ZSCAN10: variants seen among roughly 807,000 people sequenced by gnomAD.
The protein encoded by ZSCAN10 is zinc finger and SCAN domain-containing protein 10.
In ZSCAN10, 52 loss-of-function variants were observed where a neutral mutation model predicts 63.7. The observed-to-expected ratio is 0.82, with a 90% CI of 0.65 to 1.03. The LOEUF is 1.03. Among genes scored for constraint, ZSCAN10 ranks in the 50% least tolerant of loss-of-function variants. ZSCAN10 has a pLI of 0.00. For missense variants in ZSCAN10, 1,223 were observed against 1,103.8 expected, an observed-to-expected ratio of 1.11 and a Z score of -1.53; for synonymous variants, 544 against 479.6, an observed-to-expected ratio of 1.13 and a Z score of -1.76.
rs1284534513 is a variant in ZSCAN10, at chr16:3,089,726, G to A, written c.1708C>T (p.Arg570Trp). ...TQSSQLVSHQRVHTGEKPYAC... is the reference protein window; with the variant it reads ...TQSSQLVSHQWVHTGEKPYAC... ...TAGGGCTTCTCGCCCGTGTGCACCCGTTGGTGGCTGACCAGCTGCGAGCTC... is the reference window on the plus strand; with the variant it reads ...TAGGGCTTCTCGCCCGTGTGCACCCATTGGTGGCTGACCAGCTGCGAGCTC... Residue 570 changes from arginine (R) to tryptophan (W), a missense_variant, in exon 6 of 6, where the codon CGG becomes TGG. By Grantham distance (101) the Arg-to-Trp change is moderately radical. Transcript: ENST00000576985. 5.0e-6 allele frequency: 8 copies of A among 1,603,090 alleles called. No individual in the cohort carries two copies. In the African/African-American group the frequency reaches 8.0e-5, roughly 16 times the overall value.
chr16:3,092,485 G>A (rs375912218), intron 2 of ZSCAN10, 57 bp downstream of exon 2: 41 of 1,451,106 alleles, frequency 2.8e-5, no homozygotes, highest in Non-Finnish European at 3.5e-5. Context: ...TTCCTCACTG[G>A]GGGGATCAAG....
chr16:3,090,178 A>T lies in ZSCAN10; in HGVS notation c.1256T>A (p.Leu419Gln), dbSNP rs1381999250. Reference protein sequence around the residue: ...CGHRFRQSSHLSKHLLTHSSE... With the variant: ...CGHRFRQSSHQSKHLLTHSSE... The stretch of plus-strand genomic sequence containing the variant: ...GGAGTGGGTCAGCAGGTGCTTGCTC[A>T]GGTGCGAGCTCTGGCGGAAGCGGTG... The change falls in exon 6 of 6, where the codon CTG becomes CAG. Residue 419 changes from leucine to glutamine, a missense_variant. Coordinates refer to ENST00000576985, the MANE Select transcript of ZSCAN10 (RefSeq NM_032805.3). The T allele has an allele frequency of 8.7e-6, 14 of 1,604,670 alleles. No homozygotes were observed. The highest frequency in any genetic ancestry group is 1.1e-5 in the Non-Finnish European group (13 of 1,178,858).
In ZSCAN10 at chr16:3,092,709, G is replaced by A. The variant is rs1365815339; in HGVS notation, c.229C>T (p.Leu77=). 1 of 1,613,248 alleles carries A rather than the reference G, an allele frequency of 6.2e-7. No homozygotes were observed. The highest frequency in any genetic ancestry group is 8.5e-7 in the Non-Finnish European group (1 of 1,179,878). The change falls in exon 2 of 6, where the codon CTG becomes TTG. Residue 77 remains leucine (L), a synonymous_variant. Coordinates refer to ENST00000576985, the MANE Select transcript of ZSCAN10 (RefSeq NM_032805.3). ...TCCAGGATCTGTTTCTTGGTGTGCA[G>A]AGCCGGCCGCAGCCAGTGGCCGCAG... ...ELCGHWLRPA[L]HTKKQILELL... is the part of the protein sequence containing the mutation.
At chr16:3,090,746 C>T in intron 5 of ZSCAN10, 100 bp from the exon 6 acceptor site, 2 of 1,373,838 alleles carry the variant, frequency 1.5e-6, no homozygotes, top group Non-Finnish European at 1.9e-6. Flanking sequence ...AACCCAGGAT[C>T]CTGCAAAGCT....
In ZSCAN10 at chr16:3,088,941, A is replaced by G; in HGVS notation, c.*150T>C. 1 of 1,347,058 alleles carries G rather than the reference A, an allele frequency of 7.4e-7. No homozygotes were observed. 83.4% of individuals were successfully genotyped at this position (1,347,058 alleles called of 1,614,324 possible). A position where few individuals can be genotyped will look rare whatever the true frequency, so the allele number is the denominator to read the frequency against. Reference sequence around the variant, plus strand: ...GCGTTTTAATTACATAGCTGAGGCCAGAAAGCAATGCCTCGGCCAGGGAAG... The same window carrying G: ...GCGTTTTAATTACATAGCTGAGGCCGGAAAGCAATGCCTCGGCCAGGGAAG... On this transcript the variant is annotated 3_prime_UTR_variant, in exon 6 of 6. Coordinates refer to ENST00000576985, the MANE Select transcript of ZSCAN10 (RefSeq NM_032805.3).
Position 3,091,763 on chromosome 16 carries a change from C to T in ZSCAN10, c.729+1G>A. The stretch of plus-strand genomic sequence containing the variant: ...ACACCCTGGGGTGCGGCCCAGCTCA[C>T]CAGCACAGCCGCCAGCTCCTGATCT... On this transcript the variant is annotated splice_donor_variant, in intron 4 of 5. Transcript: ENST00000576985. LOFTEE classifies it high-confidence loss of function. 1.3e-6 allele frequency: 2 copies of T among 1,572,594 alleles called. No homozygotes were observed. Among genetic ancestry groups the T allele is most frequent in the African/African-American group, 1.4e-5 (1 of 73,782 alleles).
intron 1 of ZSCAN10, among the ~76,000 whole-genome samples, chr16:3,098,029 G>C (rs1957175183): frequency 2.0e-5 from 2 of 100,132 alleles, no homozygotes; most frequent in Admixed American, 2.8e-4. Context: ...GATAAAAGGC[G>C]AAGACCCTGT....
chr16:3,092,707 C>T lies in ZSCAN10; in HGVS notation c.231G>A (p.Leu77=), dbSNP rs764065350. Residue 77 remains leucine, a synonymous_variant, in exon 2 of 6, where the codon CTG becomes CTA. Coordinates refer to ENST00000576985, the MANE Select transcript of ZSCAN10 (RefSeq NM_032805.3). ...ELCGHWLRPA[L]HTKKQILELL... ...GCTCCAGGATCTGTTTCTTGGTGTG[C>T]AGAGCCGGCCGCAGCCAGTGGCCGC... The T allele has an allele frequency of 1.4e-5, 23 of 1,613,180 alleles. No homozygotes were observed. In the East Asian group the frequency reaches 5.1e-4, roughly 36 times the overall value.
intron 4 of ZSCAN10, 34 bp downstream of exon 4, chr16:3,091,730 G>A (rs559930609): frequency 6.3e-7 from 1 of 1,583,918 alleles, no homozygotes; most frequent in Non-Finnish European, 8.6e-7. Context: ...AGTTCCTGGG[G>A]CTTGAGGACA....
chr16:3,089,762 T>C lies in ZSCAN10; in HGVS notation c.1672A>G (p.Ser558Gly). 1 of 1,598,212 alleles carries C rather than the reference T, an allele frequency of 6.3e-7. No individual in the cohort carries two copies. Among genetic ancestry groups the C allele is most frequent in the Non-Finnish European group, 8.5e-7 (1 of 1,178,456 alleles). The stretch of plus-strand genomic sequence containing the variant: ...ACCAGCTGCGAGCTCTGCGTGAAGC[T>C]GCGGCCGCAAGCCTGGCAGGAGAAG... ...RPFSCQACGR[S>G]FTQSSQLVSH... The change falls in exon 6 of 6, where the codon AGC (serine) becomes GGC (glycine). Residue 558 changes from serine to glycine, a missense_variant. Transcript: ENST00000576985.
intron 2 of ZSCAN10, 91 bp downstream of exon 2, chr16:3,092,451 G>T: frequency 2.0e-6 from 3 of 1,468,850 alleles, no homozygotes; most frequent in East Asian, 2.3e-5. Context: ...ATGGTCAGGT[G>T]GGGGAAAGTG....
intron 1 of ZSCAN10, chr16:3,096,420 G>A (rs746780629): frequency 6.6e-6 from 1 of 152,446 alleles, no homozygotes; most frequent in Non-Finnish European, 1.5e-5. Flanking sequence ...GGGATGTGAA[G>A]AAAGCCTGAA....
At chr16:3,097,328 C>G (rs531959295) in intron 1 of ZSCAN10, among the ~76,000 whole-genome samples, 2 of 152,174 alleles carry the variant, frequency 1.3e-5, no homozygotes, top group East Asian at 3.9e-4. Flanking sequence ...CCCTGCAACA[C>G]ACAGTATCTT....
chr16:3,095,059 T>C (rs1261770609), intron 1 of ZSCAN10, among the ~76,000 whole-genome samples: 1 of 152,084 alleles, frequency 6.6e-6, no homozygotes, highest in Non-Finnish European at 1.5e-5. Context: ...CACTGCTCTT[T>C]CAAGTTCTCT....
rs756738709 is a variant in ZSCAN10, at chr16:3,089,383, TG to T, written c.2050del (p.His684ThrfsTer153). ...SSNLARHRRS[H>X]TGERPYSCQT... Reference sequence around the variant, plus strand: ...ACAGCTGTAGGGCCGCTCGCCCGTGTGGCTGCGGCGATGGCGGGCCAGGTTG... The same window carrying T: ...ACAGCTGTAGGGCCGCTCGCCCGTGTGCTGCGGCGATGGCGGGCCAGGTTG... On this transcript the variant is annotated frameshift_variant, in exon 6 of 6. Coordinates refer to ENST00000576985, the MANE Select transcript of ZSCAN10 (RefSeq NM_032805.3). LOFTEE classifies it high-confidence loss of function. 3.7e-6 allele frequency: 6 copies of T among 1,603,308 alleles called. No homozygotes were observed. The South Asian group carries it at 6.6e-5, about 18-fold the overall frequency.
rs746130174 is a variant in ZSCAN10, at chr16:3,092,638, G to C, written c.300C>G (p.Leu100=). 1 of 1,611,264 alleles carries C rather than the reference G, an allele frequency of 6.2e-7. No homozygotes were observed. Among genetic ancestry groups the C allele is most frequent in the Non-Finnish European group, 8.5e-7 (1 of 1,179,198 alleles). The change falls in exon 2 of 6, where the codon CTC becomes CTG. Residue 100 remains leucine (L), a synonymous_variant. Transcript: ENST00000576985. ...GCGGCTGCCCCTGCAGGCGGCCCAG[G>C]AGGTGCGGAGGCAGCACACTCAGGA... ...EQFLSVLPPH[L]LGRLQGQPLR... is the part of the protein sequence containing the mutation.
In ZSCAN10 at chr16:3,090,852, A is replaced by G. The variant is rs113056162; in HGVS notation, c.788-206T>C. Among the ~76,000 whole-genome samples the G allele has an allele frequency of 5.5e-3, 826 of 151,282 alleles. 12 individuals are homozygous for G. Among genetic ancestry groups the G allele is most frequent in the South Asian group, 0.03 (141 of 4,742 alleles). On this transcript the variant is annotated intron_variant, in intron 5 of 5. Coordinates refer to ENST00000576985, the MANE Select transcript of ZSCAN10 (RefSeq NM_032805.3). ...ATCACTTGAAGTCAGGAGTGAGTTC[A>G]AGACCACCCTGGCCAACATGGTGAA...
Position 3,089,968 on chromosome 16 carries a change from G to C in ZSCAN10, c.1466C>G (p.Ser489Cys). ...SHCGQSFQRR[S>C]SLKRHLRIHA... ...GATCCGCAGGTGGCGCTTGAGGCTG[G>C]AGCGGCGCTGGAAGCTCTGGCCGCA... The change falls in exon 6 of 6, where the codon TCC becomes TGC. Residue 489 changes from serine to cysteine, a missense_variant. Physicochemically the swap from Ser to Cys is moderately radical, Grantham distance 112. Coordinates refer to ENST00000576985, the MANE Select transcript of ZSCAN10 (RefSeq NM_032805.3). The C allele has an allele frequency of 6.5e-7, 1 of 1,544,824 alleles. No individual in the cohort carries two copies. The highest frequency in any genetic ancestry group is 8.7e-7 in the Non-Finnish European group (1 of 1,147,954).
intron 1 of ZSCAN10, among the ~76,000 whole-genome samples, chr16:3,093,892 G>T (rs1957122223): frequency 6.6e-6 from 1 of 151,990 alleles, no homozygotes; most frequent in South Asian, 2.1e-4. Flanking sequence ...CACCATGTTG[G>T]CTGGGCTGGT....
Sources: gnomAD v4.1 joint callset for allele counts (sites outside exome capture counted in the v4.1 genomes callset) on GRCh38, gnomAD v4.1.1 for gene constraint, MANE v1.5 for transcripts, NCBI Gene and HGNC (gene_info 2026-07-23, HGNC 2026-07-21) for gene names.